The following PIK3C2A variants were observed in gnomAD, a reference collection of about 807,000 sequenced individuals.
PIK3C2A encodes phosphatidylinositol-4-phosphate 3-kinase catalytic subunit type 2 alpha.
A neutral mutation model predicts 204.5 loss-of-function variants in PIK3C2A; 97 were observed. The ratio of observed to expected loss-of-function variants is 0.47; its 90% CI spans 0.40 to 0.56. The LOEUF (loss-of-function observed/expected upper bound fraction) is 0.56, where lower values mean the gene tolerates loss of function less well. Ranked by LOEUF, PIK3C2A falls within the 20% of genes least tolerant of loss-of-function variation. The pLI is 0.00. For missense variants in PIK3C2A, 1,735 were observed against 1,969.2 expected (o/e 0.88, Z 2.25); for synonymous variants, 653 against 664.4 (o/e 0.98, Z 0.26).
At chr11:17,111,868 C>T (rs1849011878) in intron 21 of PIK3C2A, among the ~76,000 whole-genome samples, 2 of 119,692 alleles carry the variant, frequency 1.7e-5, no homozygotes, top group Non-Finnish European at 3.4e-5. Context: ...TAAGAGCAAA[C>T]TCAGTCTCCA....
At chr11:17,110,994 G>C (rs748897027) in intron 21 of PIK3C2A, among the ~76,000 whole-genome samples, 1 of 151,992 alleles carries the variant, frequency 6.6e-6, no homozygotes, top group African/African-American at 2.4e-5. Context: ...TGCAATCTCC[G>C]CCTCCTAGGT....
Position 17,087,627 on chromosome 11 carries a change from GTT to G in PIK3C2A, c.*2109_*2110del, listed in dbSNP as rs1313829277. The G allele has an allele frequency of 1.3e-5, 2 of 152,160 alleles. No individual in the cohort carries two copies. Among genetic ancestry groups the G allele is most frequent in the Non-Finnish European group, 2.9e-5 (2 of 68,024 alleles). The allele number at this position is 152,160 out of a possible 1,614,324, so 9.4% of individuals were successfully genotyped here. On this transcript the variant is annotated 3_prime_UTR_variant, in exon 33 of 33. Coordinates refer to ENST00000691414, the MANE Select transcript of PIK3C2A (RefSeq NM_002645.4). Reference sequence around the variant, plus strand: ...CTAATTAACGACCTCTACCAAGACAGTTTTTGTTTGTTTGTTTGTTTTTAAAT... The same window carrying G: ...CTAATTAACGACCTCTACCAAGACAGTTTGTTTGTTTGTTTGTTTTTAAAT...
At position 17,169,502 on chromosome 11, in the gene PIK3C2A, T is replaced by C. The variant is rs760076033; in HGVS notation, c.240A>G (p.Glu80=). The C allele has an allele frequency of 1.2e-6, 2 of 1,613,898 alleles. No individual in the cohort carries two copies. The highest frequency in any genetic ancestry group is 1.7e-5 in the Admixed American group (1 of 59,958). ...KQDYDLMVFP[E]SDSQKRALDI... ...CTAATGCTCTTTTTTGGGAATCTGA[T>C]TCAGGAAACACCATGAGATCATAAT... Residue 80 remains glutamate, a synonymous_variant, in exon 2 of 33, where the codon GAA becomes GAG. Transcript: ENST00000691414.
chr11:17,093,719 C>T (rs903903514), intron 28 of PIK3C2A, among the ~76,000 whole-genome samples: 1 of 151,738 alleles, frequency 6.6e-6, no homozygotes, highest in South Asian at 2.1e-4. Context: ...CTCACTGCAA[C>T]CTCCACATCC....
At chr11:17,140,877 T>C (rs1010025051) in intron 8 of PIK3C2A, among the ~76,000 whole-genome samples, 2 of 152,142 alleles carry the variant, frequency 1.3e-5, no homozygotes, top group South Asian at 2.1e-4. Flanking sequence ...CTATTTTAGA[T>C]AAGATGGTGA....
At chr11:17,132,112 G>A in intron 11 of PIK3C2A, 74 bp from the exon 12 acceptor site, 1 of 855,070 alleles carries the variant, frequency 1.2e-6, no homozygotes, top group Non-Finnish European at 1.8e-6. Context: ...TACATTAGCA[G>A]TTCTTCCTCC....
rs745543032 is a variant in PIK3C2A, at chr11:17,119,286, T to A, written c.2874A>T (p.Leu958=). The part of the protein sequence containing the change: ...SKFADQEVRS[L]AVTWIEAISD... ...TAATGGCCTCAATCCAGGTCACAGC[T>A]AGGGATCTTACTTCCTGATCAGCAA... The change falls in exon 17 of 33, where the codon CTA becomes CTT. Residue 958 remains leucine, a synonymous_variant. Transcript: ENST00000691414. 1 of 1,604,450 alleles carries A rather than the reference T, an allele frequency of 6.2e-7. No individual in the cohort carries two copies. The highest frequency in any genetic ancestry group is 1.1e-5 in the South Asian group (1 of 90,482).
rs1327272413 is a variant in PIK3C2A, at chr11:17,088,823, G to GTA, written c.*913_*914dup. ...TTCACTTATTTACTGAGGGAGTGGAGTATAGATGTAGGGAGGTGAAATTAC... is the reference window on the plus strand; with the variant it reads ...TTCACTTATTTACTGAGGGAGTGGAGTATATAGATGTAGGGAGGTGAAATTAC... On this transcript the variant is annotated 3_prime_UTR_variant, in exon 33 of 33. Coordinates refer to ENST00000691414, the MANE Select transcript of PIK3C2A (RefSeq NM_002645.4). 4 of 152,190 alleles carry GTA rather than the reference G, an allele frequency of 2.6e-5. No homozygotes were observed. The highest frequency in any genetic ancestry group is 9.7e-5 in the African/African-American group (4 of 41,434). The allele number at this position is 152,190 out of a possible 1,614,324, so 9.4% of individuals were successfully genotyped here.
Position 17,122,608 on chromosome 11 carries a change from G to A in PIK3C2A, c.2511+94C>T, listed in dbSNP as rs555401978. On this transcript the variant is annotated intron_variant, in intron 14 of 32. Coordinates refer to ENST00000691414, the MANE Select transcript of PIK3C2A (RefSeq NM_002645.4). ...CCTGAGACTAAAACAAGATCAGTTA[G>A]GTTTCTTTAACAACCCAAATCATGG... The A allele has an allele frequency of 3.2e-5, 22 of 682,490 alleles. No individual in the cohort carries two copies. The East Asian group carries it at 5.1e-4, about 16-fold the overall frequency. 42.3% of individuals were successfully genotyped at this position (682,490 alleles called of 1,614,324 possible). A position where few individuals can be genotyped will look rare whatever the true frequency, so the allele number is the denominator to read the frequency against.
chr11:17,122,300 AAAT>A lies in PIK3C2A; in HGVS notation c.2542_2544del (p.Ile848del). 1 of 1,537,126 alleles carries A rather than the reference AAAT, an allele frequency of 6.5e-7. No individual in the cohort carries two copies. The highest frequency in any genetic ancestry group is 1.1e-5 in the South Asian group (1 of 88,668). ...CTTCTGTCAACTTGAGGAGTTGTAT[AAAT>A]AATATCAAATGCAGGAGAAGGAAAA... On this transcript the variant is annotated inframe_deletion, in exon 15 of 33. Coordinates refer to ENST00000691414, the MANE Select transcript of PIK3C2A (RefSeq NM_002645.4).
Position 17,102,773 on chromosome 11 carries a change from C to G in PIK3C2A, c.3740G>C (p.Gly1247Ala). Residue 1247 changes from glycine (G) to alanine (A), a missense_variant, in exon 24 of 33, where the codon GGC becomes GCC. Physicochemically the swap from Gly to Ala is moderately conservative, Grantham distance 60. Transcript: ENST00000691414. ...AGCCVATYVL[G>A]ICDRHNDNIM... ...ATTGTCATTGTGTCGATCACAGATG[C>G]CTAAAACATAGGTGGCTACACAGCA... The G allele has an allele frequency of 6.2e-7, 1 of 1,612,346 alleles. No individual in the cohort carries two copies. Among genetic ancestry groups the G allele is most frequent in the Non-Finnish European group, 8.5e-7 (1 of 1,178,576 alleles).
chr11:17,092,231 T>C lies in PIK3C2A; in HGVS notation c.4497A>G (p.Val1499=). 2 of 1,604,012 alleles carry C rather than the reference T, an allele frequency of 1.2e-6. No homozygotes were observed. Among genetic ancestry groups the C allele is most frequent in the South Asian group, 1.1e-5 (1 of 90,898 alleles). ...TTAACTCAATTTTCCTTTTGGCTGC[T>C]ACATCTTTTATGTGTGTTCTTCCTA... ...MVLGRTHIKD[V]AAKRKIELNS... is the part of the protein sequence containing the mutation. Residue 1499 remains valine (V), a synonymous_variant, in exon 29 of 33, where the codon GTA becomes GTG. Coordinates refer to ENST00000691414, the MANE Select transcript of PIK3C2A (RefSeq NM_002645.4).
intron 1 of PIK3C2A, among the ~76,000 whole-genome samples, chr11:17,175,622 C>T (rs1851311198): frequency 6.6e-6 from 1 of 152,202 alleles, no homozygotes; most frequent in Admixed American, 6.5e-5. Context: ...TGCACATCAT[C>T]TGCCAAAATT....
At chr11:17,193,618 C>T (rs978081346) in intron 1 of PIK3C2A, 20 of 324,216 alleles carry the variant, frequency 6.2e-5, no homozygotes, top group South Asian at 3.9e-4. Flanking sequence ...GAGGCCAAGG[C>T]GGGTGGATCA....
intron 24 of PIK3C2A, among the ~76,000 whole-genome samples, chr11:17,101,885 G>A (rs188723305): frequency 6.6e-6 from 1 of 152,006 alleles, no homozygotes; most frequent in Non-Finnish European, 1.5e-5. Context: ...TTACAGGCGT[G>A]AGCCACTGCA....
At chr11:17,188,451 C>G (rs182371164) in intron 1 of PIK3C2A, among the ~76,000 whole-genome samples, 1 of 147,222 alleles carries the variant, frequency 6.8e-6, no homozygotes, top group Non-Finnish European at 1.5e-5. Flanking sequence ...ACACTACTCT[C>G]TTCCCTGGTG....
intron 1 of PIK3C2A, among the ~76,000 whole-genome samples, chr11:17,172,690 C>T (rs570565755): frequency 2.0e-5 from 3 of 152,322 alleles, no homozygotes; most frequent in South Asian, 2.1e-4. Flanking sequence ...AGGGAACAAA[C>T]GGTTTTCTTT....
intron 2 of PIK3C2A, among the ~76,000 whole-genome samples, chr11:17,164,219 G>A (rs1184767722): frequency 6.6e-6 from 1 of 152,076 alleles, no homozygotes; most frequent in Non-Finnish European, 1.5e-5. Context: ...GGGTGTGGTG[G>A]CGTGTACCTA....
In PIK3C2A at chr11:17,089,904, T is replaced by C. The variant is rs759907263; in HGVS notation, c.4895A>G (p.Tyr1632Cys). ...TCGCTGTCTTAGGGTTTCTTTGCTA[T>C]ATCCACTGTATACAAGCTACAACAA... ...TFNEMLVYSG[Y>C]SKETLRQREL... is the part of the protein sequence containing the mutation. Residue 1632 changes from tyrosine (Y) to cysteine (C), a missense_variant, in exon 33 of 33, where the codon TAT becomes TGT. Tyr to Cys is a radical substitution (Grantham distance 194, BLOSUM62 -2). This residue lies in a region of PIK3C2A where 503 missense variants were observed against 669.0 expected (regional missense o/e 0.75). Coordinates refer to ENST00000691414, the MANE Select transcript of PIK3C2A (RefSeq NM_002645.4). The C allele has an allele frequency of 1.2e-6, 2 of 1,606,064 alleles. No homozygotes were observed. The highest frequency in any genetic ancestry group is 2.2e-5 in the South Asian group (2 of 90,144).
Sources: allele counts gnomAD v4.1 joint callset (sites outside exome capture counted in the v4.1 genomes callset), GRCh38; gene constraint gnomAD v4.1.1; regional missense constraint gnomAD v4.1.1; transcripts MANE v1.5; gene names NCBI Gene and HGNC (gene_info 2026-07-23, HGNC 2026-07-21).